The following DCAF6 variants were observed in gnomAD, a reference collection of about 807,000 sequenced individuals.
DCAF6 encodes DDB1- and CUL4-associated factor 6.
Under a neutral mutation model 125.1 loss-of-function variants are expected in DCAF6, and 54 were observed. The observed-to-expected ratio is 0.43, with a 90% CI of 0.35 to 0.54. The LOEUF is 0.54. DCAF6 is among the 20% of genes least tolerant of loss of function. The pLI is 0.01. For missense variants in DCAF6, 934 were observed against 1,161.7 expected (o/e 0.80, Z 2.85); for synonymous variants, 371 against 390.4 (o/e 0.95, Z 0.58).
At chr1:167,937,164 C>G in intron 1 of DCAF6, 156 bp downstream of exon 1, 1 of 643,048 alleles carries the variant, frequency 1.6e-6, no homozygotes, top group African/African-American at 1.9e-5. Flanking sequence ...AATTCCGTGC[C>G]GGTGCCTCCC....
intron 1 of DCAF6, among the ~76,000 whole-genome samples, chr1:167,947,870 TGTC>T (rs1302566542): frequency 6.6e-6 from 1 of 152,216 alleles, no homozygotes. Context: ...GTTTTGTAAA[TGTC>T]TGTTAAGTTC....
chr1:167,880,579 G>A, the DCAF6 span: 7 of 1,613,930 alleles, frequency 4.3e-6, no homozygotes, highest in Non-Finnish European at 3.4e-6. Flanking sequence ...TTTTCCCCAG[G>A]GAAGCCAAAG....
intron 4 of DCAF6, among the ~76,000 whole-genome samples, chr1:167,978,125 A>G (rs1223788524): frequency 6.6e-6 from 1 of 152,190 alleles, no homozygotes; most frequent in African/African-American, 2.4e-5. Context: ...ATTCCATTAT[A>G]TGAATATACC....
At chr1:167,933,044 G>T (rs561803488), upstream of DCAF6, among the ~76,000 whole-genome samples, 1 of 151,974 alleles carries the variant, frequency 6.6e-6, no homozygotes, top group Admixed American at 6.5e-5. Flanking sequence ...CTCTACAGTG[G>T]CAGATCATGA....
At chr1:167,870,332 T>C in the DCAF6 span, 1 of 1,614,030 alleles carries the variant, frequency 6.2e-7, no homozygotes, top group Non-Finnish European at 8.5e-7. Flanking sequence ...TAATCCCTCA[T>C]ACATTAAGAC....
chr1:168,014,551 T>C (rs559525474), intron 10 of DCAF6, among the ~76,000 whole-genome samples: 8 of 152,216 alleles, frequency 5.3e-5, no homozygotes, highest in Non-Finnish European at 1.0e-4. Context: ...ATTCAGTCCC[T>C]ACCTAATTTC....
chr1:167,918,307 GT>G, the DCAF6 span: 1 of 1,562,050 alleles, frequency 6.4e-7, no homozygotes, highest in Non-Finnish European at 8.8e-7. Flanking sequence ...GATTGTTCAG[GT>G]GATCAGGAAC....
intron 1 of DCAF6, among the ~76,000 whole-genome samples, chr1:167,946,776 A>G (rs890686849): frequency 6.6e-6 from 1 of 151,954 alleles, no homozygotes; most frequent in African/African-American, 2.4e-5. Context: ...GTTTGCTAGT[A>G]TTTTGTTGAG....
intron 11 of DCAF6, among the ~76,000 whole-genome samples, chr1:168,019,080 G>A (rs986561604): frequency 1.3e-5 from 2 of 150,692 alleles, no homozygotes; most frequent in Admixed American, 6.6e-5. Context: ...ATGGAGTCTC[G>A]CTTTGTCGCC....
chr1:168,056,958 C>T (rs1347069733), intron 17 of DCAF6, among the ~76,000 whole-genome samples: 2 of 152,102 alleles, frequency 1.3e-5, no homozygotes, highest in Non-Finnish European at 1.5e-5. Context: ...ATTCAAAATT[C>T]GCCAGCTATA....
At chr1:168,004,881 C>A in intron 10 of DCAF6, 88 bp downstream of exon 10, 1 of 1,391,122 alleles carries the variant, frequency 7.2e-7, no homozygotes, top group South Asian at 1.4e-5. Context: ...TAAATCACAT[C>A]AACTTCTTGT....
chr1:167,871,143 A>C, the DCAF6 span, among the ~76,000 whole-genome samples: 3 of 152,128 alleles, frequency 2.0e-5, no homozygotes, highest in Non-Finnish European at 4.4e-5. Context: ...TTAGGAAATA[A>C]ATTTATTAAA....
At chr1:167,912,587 T>C in the DCAF6 span, among the ~76,000 whole-genome samples, 1 of 152,348 alleles carries the variant, frequency 6.6e-6, no homozygotes, top group Non-Finnish European at 1.5e-5. Context: ...AATATATACC[T>C]AGCTGACGTC....
the DCAF6 span, among the ~76,000 whole-genome samples, chr1:167,885,694 C>T: frequency 1.3e-5 from 2 of 152,148 alleles, no homozygotes; most frequent in Non-Finnish European, 2.9e-5. Context: ...CATCTCACTG[C>T]AACCTCCGCC....
Position 167,967,793 on chromosome 1 carries a change from C to T in DCAF6, c.252+1072C>T, listed in dbSNP as rs1363429593. 1.8e-4 allele frequency among the ~76,000 whole-genome samples: 25 copies of T among 137,514 alleles called. No individual in the cohort carries two copies. The Admixed American group carries it at 2.0e-3, about 11-fold the overall frequency. The allele number at this position is 137,514 out of a possible 152,430, so 90.2% of individuals were successfully genotyped here. ...GCTGGAAGGCTGGAGTACAGTGGTG[C>T]GATCTCGGCTTACTGCAACCTCTGC... On this transcript the variant is annotated intron_variant, in intron 3 of 21. Coordinates refer to ENST00000367840, the MANE Select transcript of DCAF6 (RefSeq NM_001198956.2).
chr1:167,886,420 C>A, the DCAF6 span, among the ~76,000 whole-genome samples: 1 of 152,120 alleles, frequency 6.6e-6, no homozygotes, highest in African/African-American at 2.4e-5. Context: ...TGATCTTTGA[C>A]AAACCTGAAA....
intron 12 of DCAF6, among the ~76,000 whole-genome samples, chr1:168,027,390 T>C (rs1247099177): frequency 6.6e-6 from 1 of 152,108 alleles, no homozygotes; most frequent in Admixed American, 6.5e-5. Context: ...ATTTCAAAAT[T>C]TTAACCTTTA....
At chr1:167,886,575 G>T in the DCAF6 span, among the ~76,000 whole-genome samples, 2 of 152,126 alleles carry the variant, frequency 1.3e-5, no homozygotes, top group Non-Finnish European at 2.9e-5. Context: ...TTAAATGTTA[G>T]ACCTAAAACC....
chr1:167,997,036 T>C (rs1290854454), intron 7 of DCAF6, among the ~76,000 whole-genome samples: 4 of 152,202 alleles, frequency 2.6e-5, no homozygotes, highest in Non-Finnish European at 5.9e-5. Flanking sequence ...TTCTGTGACA[T>C]TGGGGATTTT....
Sources: allele counts gnomAD v4.1 joint callset (sites outside exome capture counted in the v4.1 genomes callset), GRCh38; gene constraint gnomAD v4.1.1; transcripts MANE v1.5; gene names NCBI Gene and HGNC (gene_info 2026-07-23, HGNC 2026-07-21).